Variants in KCNQ1 observed in about 807,000 individuals in gnomAD.
KCNQ1 encodes the protein potassium voltage-gated channel subfamily KQT member 1.
In KCNQ1, 49 loss-of-function variants were observed where a neutral mutation model predicts 72.4. That is an observed-to-expected ratio of 0.68 (90% CI 0.54 to 0.86). The LOEUF is 0.86. Among genes scored for constraint, KCNQ1 ranks in the 40% least tolerant of loss-of-function variants. The probability of loss-of-function intolerance (pLI) is 0.00; values close to 1 mark genes in which losing one functional copy is unlikely to be tolerated. For missense variants in KCNQ1, 790 were observed against 945.1 expected (o/e 0.84, Z 2.15); for synonymous variants, 450 against 412.6 (o/e 1.09, Z -1.10).
chr11:2,768,902 G>A lies in KCNQ1; in HGVS notation c.1573G>A (p.Ala525Thr), dbSNP rs120074188. 6.2e-7 allele frequency: 1 copy of A among 1,613,966 alleles called. No individual in the cohort carries two copies. ...CATTCGACGCATGCAGTACTTTGTGGCCAAGAAGAAATTCCAGGTAAGCCC... is the reference window on the plus strand; with the variant it reads ...CATTCGACGCATGCAGTACTTTGTGACCAAGAAGAAATTCCAGGTAAGCCC... ...KVIRRMQYFVAKKKFQQARKP... is the reference protein window; with the variant it reads ...KVIRRMQYFVTKKKFQQARKP... Residue 525 changes from alanine (A) to threonine (T), a missense_variant, in exon 12 of 16, where the codon GCC becomes ACC. Ala to Thr is a moderately conservative substitution (Grantham distance 58, BLOSUM62 0). Transcript: ENST00000155840. This position sits in a 1 kb window ranked among gnomAD's most constrained non-coding sequence, Gnocchi z 6.7.
chr11:2,706,413 G>A (rs1337129464), intron 11 of KCNQ1, among the ~76,000 whole-genome samples: 2 of 152,234 alleles, frequency 1.3e-5, no homozygotes, highest in Non-Finnish European at 2.9e-5. Context: ...TCCAGCCCCA[G>A]TCAAACCTCT....
At chr11:2,531,808 G>C (rs1266560106) in intron 2 of KCNQ1, among the ~76,000 whole-genome samples, 1 of 152,124 alleles carries the variant, frequency 6.6e-6, no homozygotes, top group African/African-American at 2.4e-5. Context: ...CTGCCTCCCT[G>C]CCACACCTTG....
rs552495591 is a variant in KCNQ1, at chr11:2,617,778, C to T, written c.1393+28924C>T. ...GTAATTTTGATTTGCATTTCCCTGA[C>T]GATTAGTGATGTTAAATGTCTTTTC... On this transcript the variant is annotated intron_variant, in intron 10 of 15. Coordinates refer to ENST00000155840, the MANE Select transcript of KCNQ1 (RefSeq NM_000218.3). The surrounding 1 kb of genome is among the most constrained non-coding windows in gnomAD (Gnocchi z 4.6). The T allele has an allele frequency of 5.3e-5, 21 of 398,426 alleles. No individual in the cohort carries two copies. Among genetic ancestry groups the T allele is most frequent in the South Asian group, 2.5e-4 (2 of 7,858 alleles). The allele number at this position is 398,426 out of a possible 1,614,324, so 24.7% of individuals were successfully genotyped here. A position where few individuals can be genotyped will look rare whatever the true frequency, so the allele number is the denominator to read the frequency against.
rs111629285 is a variant in KCNQ1, at chr11:2,588,612, G to A, written c.1252-101G>A. On this transcript the variant is annotated intron_variant, in intron 9 of 15. Transcript: ENST00000155840. This position sits in a 1 kb window ranked among gnomAD's most constrained non-coding sequence, Gnocchi z 5.6. ...AGGTCCCTGTCCGGGTGTATGTGGCGGGGGCTGGGCTCGGGGCGGCTGCAC... is the reference window on the plus strand; with the variant it reads ...AGGTCCCTGTCCGGGTGTATGTGGCAGGGGCTGGGCTCGGGGCGGCTGCAC... 2.0e-4 allele frequency: 293 copies of A among 1,438,770 alleles called. No individual in the cohort carries two copies. The African/African-American group carries it at 3.3e-3, about 16-fold the overall frequency. 89.1% of individuals were successfully genotyped at this position (1,438,770 alleles called of 1,614,324 possible).
rs371191117 is a variant in KCNQ1 at position 2,563,102 on chromosome 11, C to T, written c.478-7526C>T. ...TCAGGCTGCCCTGTGATCTTTCCCA[C>T]GTGATTGATTGACACAGGGACCTTC... On this transcript the variant is annotated intron_variant, in intron 2 of 15. Transcript: ENST00000155840. The surrounding 1 kb of genome is among the most constrained non-coding windows in gnomAD (Gnocchi z 7.4). Among the ~76,000 whole-genome samples the T allele has an allele frequency of 7.9e-5, 12 of 152,284 alleles. No homozygotes were observed. Among genetic ancestry groups the T allele is most frequent in the South Asian group, 2.1e-4 (1 of 4,828 alleles).
rs1850349150 is a variant in KCNQ1 at position 2,679,411 on chromosome 11, G to A, written c.1514+17330G>A. The A allele has an allele frequency of 7.5e-6, 3 of 398,626 alleles. No homozygotes were observed. Among genetic ancestry groups the A allele is most frequent in the Non-Finnish European group, 1.3e-5 (3 of 226,068 alleles). The allele number at this position is 398,626 out of a possible 1,614,324, so 24.7% of individuals were successfully genotyped here. A position where few individuals can be genotyped will look rare whatever the true frequency, so the allele number is the denominator to read the frequency against. On this transcript the variant is annotated intron_variant, in intron 11 of 15. Coordinates refer to ENST00000155840, the MANE Select transcript of KCNQ1 (RefSeq NM_000218.3). The surrounding 1 kb of genome is among the most constrained non-coding windows in gnomAD (Gnocchi z 4.8). ...TTTATTTGTAAAATGGGAATCATAA[G>A]AGTACCTTCCTCAGAGGGTTGTTAG...
rs886048159 is a variant in KCNQ1, at chr11:2,445,030, G to C, written c.-69G>C. 2.0e-6 allele frequency: 2 copies of C among 1,010,990 alleles called. No homozygotes were observed. Among genetic ancestry groups the C allele is most frequent in the Admixed American group, 5.8e-5 (1 of 17,156 alleles). The allele number at this position is 1,010,990 out of a possible 1,614,324, so 62.6% of individuals were successfully genotyped here. ...AGCAGTGGCTGCCCGCACTGCGCCC[G>C]GGCGCTCGCCTTCGCTGCAGCTCCC... On this transcript the variant is annotated 5_prime_UTR_variant, in exon 1 of 16. Transcript: ENST00000155840.
At chr11:2,696,211 A>AT (rs1463638601) in intron 11 of KCNQ1, 2 of 398,408 alleles carry the variant, frequency 5.0e-6, no homozygotes, top group Admixed American at 4.4e-5. Context: ...GAGATTATTC[A>AT]TTTTTTCTCC....
At chr11:2,455,471 G>T (rs1354701619) in intron 1 of KCNQ1, among the ~76,000 whole-genome samples, 1 of 152,148 alleles carries the variant, frequency 6.6e-6, no homozygotes, top group Non-Finnish European at 1.5e-5. Context: ...ATTTATAATA[G>T]ACACAAAAAG....
intron 6 of KCNQ1, among the ~76,000 whole-genome samples, chr11:2,577,086 G>T (rs1466883352): frequency 1.3e-5 from 2 of 152,340 alleles, no homozygotes; most frequent in East Asian, 3.9e-4. Context: ...GGCTGCAACC[G>T]ATCCCTCTGC....
At chr11:2,633,287 AT>A in intron 10 of KCNQ1, 1 of 398,396 alleles carries the variant, frequency 2.5e-6, no homozygotes, top group Non-Finnish European at 4.4e-6. Context: ...CCGGATATTA[AT>A]CCCTTGTCAG....
chr11:2,843,478 G>A (rs1396300190), intron 15 of KCNQ1, among the ~76,000 whole-genome samples: 1 of 152,200 alleles, frequency 6.6e-6, no homozygotes, highest in African/African-American at 2.4e-5. Context: ...TGCCCAACAA[G>A]GATGCTAGAA....
rs1348368266 is a variant in KCNQ1 at position 2,559,607 on chromosome 11, C to G, written c.478-11021C>G. On this transcript the variant is annotated intron_variant, in intron 2 of 15. Transcript: ENST00000155840. This position sits in a 1 kb window ranked among gnomAD's most constrained non-coding sequence, Gnocchi z 4.9. The stretch of plus-strand genomic sequence containing the variant: ...AACGGCCATCCCCATGACGACCCAG[C>G]AAGTCCCTTGCCTCTCTCGCTCACC... 6.6e-6 allele frequency among the ~76,000 whole-genome samples: 1 copy of G among 152,208 alleles called. No individual in the cohort carries two copies. The highest frequency in any genetic ancestry group is 1.5e-5 in the Non-Finnish European group (1 of 68,022).
At chr11:2,843,422 G>A (rs1179190163) in intron 15 of KCNQ1, among the ~76,000 whole-genome samples, 1 of 152,230 alleles carries the variant, frequency 6.6e-6, no homozygotes, top group Non-Finnish European at 1.5e-5. Context: ...TTTGCCCTGC[G>A]ACCCTACAGA....
Position 2,549,223 on chromosome 11 carries a change from T to C in KCNQ1, c.477+21205T>C, listed in dbSNP as rs1031452976. 6.6e-6 allele frequency among the ~76,000 whole-genome samples: 1 copy of C among 152,148 alleles called. No individual in the cohort carries two copies. Among genetic ancestry groups the C allele is most frequent in the East Asian group, 1.9e-4 (1 of 5,180 alleles). On this transcript the variant is annotated intron_variant, in intron 2 of 15. Coordinates refer to ENST00000155840, the MANE Select transcript of KCNQ1 (RefSeq NM_000218.3). This position sits in a 1 kb window ranked among gnomAD's most constrained non-coding sequence, Gnocchi z 6.2. ...CACGTGCTAGTGGCCATCAGCAGGC[T>C]ACAGCATCCAGCCAGTGCCACCAGG...
At position 2,464,323 on chromosome 11, in the gene KCNQ1, TA is replaced by T. The variant is rs1467968221; in HGVS notation, c.386+18844del. Among the ~76,000 whole-genome samples the T allele has an allele frequency of 6.6e-6, 1 of 152,182 alleles. No individual in the cohort carries two copies. Among genetic ancestry groups the T allele is most frequent in the African/African-American group, 2.4e-5 (1 of 41,432 alleles). ...TTTTTGCTCATCTGAATTTTCTAAT[TA>T]AAAATATATTGCTTTTTAAAAATAA... On this transcript the variant is annotated intron_variant, in intron 1 of 15. Transcript: ENST00000155840. This position sits in a 1 kb window ranked among gnomAD's most constrained non-coding sequence, Gnocchi z 5.0.
At chr11:2,716,352 G>A (rs988854229) in intron 11 of KCNQ1, among the ~76,000 whole-genome samples, 7 of 152,176 alleles carry the variant, frequency 4.6e-5, no homozygotes, top group East Asian at 1.9e-4. Flanking sequence ...ACAGCTTTGG[G>A]GAGTGGAGCT....
chr11:2,472,361 T>C (rs542413576), intron 1 of KCNQ1, among the ~76,000 whole-genome samples: 25 of 151,976 alleles, frequency 1.6e-4, no homozygotes, highest in Non-Finnish European at 3.2e-4. Flanking sequence ...TGGGTGTGTG[T>C]GTACCTATGT....
intron 10 of KCNQ1, chr11:2,619,387 GTTCAAC>G: frequency 5.0e-6 from 2 of 398,532 alleles, no homozygotes; most frequent in South Asian, 1.3e-4. Context: ...AACAAAGGAT[GTTCAAC>G]TTCATCAAAT....
Sources: allele counts gnomAD v4.1 joint callset (sites outside exome capture counted in the v4.1 genomes callset), GRCh38; gene constraint gnomAD v4.1.1; non-coding constraint Gnocchi (gnomAD v3.1); transcripts MANE v1.5; gene names NCBI Gene and HGNC (gene_info 2026-07-23, HGNC 2026-07-21).